EVC2: variants seen among roughly 807,000 people sequenced by gnomAD.
EVC2 encodes EvC ciliary complex subunit 2.
A neutral mutation model predicts 149.3 loss-of-function variants in EVC2; 148 were observed. The observed-to-expected ratio is 0.99, with a 90% CI of 0.87 to 1.14. The LOEUF (loss-of-function observed/expected upper bound fraction) is 1.14. Among genes scored for constraint, EVC2 ranks in the 50% most tolerant of loss-of-function variants. The pLI is 0.00. For synonymous variants in EVC2, 776 were observed against 649.9 expected (o/e 1.19, Z -2.95); for missense variants, 1,854 against 1,627.3 (o/e 1.14, Z -2.40).
At chr4:5,665,175 T>G (rs1719182472) in intron 8 of EVC2, among the ~76,000 whole-genome samples, 1 of 152,084 alleles carries the variant, frequency 6.6e-6, no homozygotes, top group African/African-American at 2.4e-5. Context: ...CCAGGCATGT[T>G]GGTGTGTAGC....
chr4:5,576,261 A>T lies in EVC2; in HGVS notation c.3251T>A (p.Leu1084Ter), dbSNP rs755880828. 6.8e-6 allele frequency: 11 copies of T among 1,614,154 alleles called. No homozygotes were observed. Among genetic ancestry groups the T allele is most frequent in the Non-Finnish European group, 9.3e-6 (11 of 1,180,026 alleles). The change falls in exon 18 of 22, where the codon TTA becomes TAA. Residue 1084 changes from leucine (L) to a stop codon, truncating the protein, a stop_gained. Coordinates refer to ENST00000344408, the MANE Select transcript of EVC2 (RefSeq NM_147127.5). LOFTEE classifies it high-confidence loss of function. The surrounding 1 kb of genome is among the most constrained non-coding windows in gnomAD (Gnocchi z 4.5). ...ATACCACTGCTGATGTTGCTCCAGT[A>T]ATGTCTGGCTCTTGCTCAGGGCTTG... ...LHQALSKSQT[L>*]LEQHQQCLRE...
chr4:5,672,310 C>T (rs1186456114), intron 7 of EVC2, among the ~76,000 whole-genome samples: 1 of 152,194 alleles, frequency 6.6e-6, no homozygotes, highest in Non-Finnish European at 1.5e-5. Flanking sequence ...CCTGACAGAG[C>T]CTTCGAGAGC....
chr4:5,665,555 C>G lies in EVC2; in HGVS notation c.965G>C (p.Arg322Pro). ...CATGTTTCCCTTCAGACACTGATAG[C>G]GAACCATGAGGAAGAGGGCAGCCCA... ...LTWAALFLMVRYQCLKGNMLT... is the reference protein window; with the variant it reads ...LTWAALFLMVPYQCLKGNMLT... Residue 322 changes from arginine to proline, a missense_variant, in exon 8 of 22, where the codon CGC (arginine) becomes CCC (proline). Arg to Pro is a moderately radical substitution (Grantham distance 103). Transcript: ENST00000344408. The G allele has an allele frequency of 1.2e-6, 2 of 1,614,124 alleles. No homozygotes were observed. The highest frequency in any genetic ancestry group is 2.7e-5 in the African/African-American group (2 of 75,028).
chr4:5,566,746 C>T (rs1722313879), intron 20 of EVC2, among the ~76,000 whole-genome samples: 2 of 152,058 alleles, frequency 1.3e-5, no homozygotes, highest in Non-Finnish European at 2.9e-5. Flanking sequence ...CCCAGCTTGG[C>T]CTGTCCATCT....
At chr4:5,600,678 T>C (rs1713903377) in intron 16 of EVC2, among the ~76,000 whole-genome samples, 1 of 152,158 alleles carries the variant, frequency 6.6e-6, no homozygotes, top group South Asian at 2.1e-4. Flanking sequence ...AGCAACATAA[T>C]TTAAACTGCA....
At chr4:5,660,270 C>T (rs991546185) in intron 9 of EVC2, among the ~76,000 whole-genome samples, 8 of 152,286 alleles carry the variant, frequency 5.3e-5, no homozygotes, top group East Asian at 1.9e-4. Flanking sequence ...CCTGCACTTA[C>T]GAGGCTCCAA....
chr4:5,631,424 C>T (rs1463892849), intron 11 of EVC2, among the ~76,000 whole-genome samples: 1 of 152,146 alleles, frequency 6.6e-6, no homozygotes, highest in Non-Finnish European at 1.5e-5. Context: ...ATATGTTATG[C>T]CAAGCACTAA....
In EVC2 at chr4:5,576,378, G is replaced by T. The variant is rs750108569; in HGVS notation, c.3134C>A (p.Ala1045Glu). The stretch of plus-strand genomic sequence containing the variant: ...ATCGGCCACCCACTGCTGCCAGCTC[G>T]CCAGGGCCTGCTGCTGCTGGGCTGC... ...QEAAQQQQAL[A>E]SWQQWVADGP... The change falls in exon 18 of 22, where the codon GCG becomes GAG. Residue 1045 changes from alanine to glutamate, a missense_variant. Physicochemically the swap from Ala to Glu is moderately radical, Grantham distance 107. Transcript: ENST00000344408. This position sits in a 1 kb window ranked among gnomAD's most constrained non-coding sequence, Gnocchi z 4.5. 3 of 1,613,842 alleles carry T rather than the reference G, an allele frequency of 1.9e-6. No homozygotes were observed. The highest frequency in any genetic ancestry group is 1.3e-5 in the African/African-American group (1 of 74,916).
chr4:5,542,416 CTGCACTCCAGCCTGGGCAAT>C (rs1721531525), downstream of EVC2, among the ~76,000 whole-genome samples: 2 of 152,214 alleles, frequency 1.3e-5, no homozygotes, highest in South Asian at 4.1e-4. Context: ...GATGGTGCCA[CTGCACTCCAGCCTGGGCAAT>C]GGAGTGAGAC....
At chr4:5,558,218 A>T (rs1721874576), downstream of EVC2, among the ~76,000 whole-genome samples, 1 of 152,210 alleles carries the variant, frequency 6.6e-6, no homozygotes, top group Admixed American at 6.5e-5. Context: ...AGGTGCATAG[A>T]TCATTGGAAC....
Position 5,562,756 on chromosome 4 carries a change from G to A in EVC2, c.*92C>T, listed in dbSNP as rs1722030238. ...CCTTCTGCATGTGCAATTTATATTT[G>A]CGAGTTGTGCATTATAAACACACAA... On this transcript the variant is annotated 3_prime_UTR_variant, in exon 22 of 22. Coordinates refer to ENST00000344408, the MANE Select transcript of EVC2 (RefSeq NM_147127.5). This position sits in a 1 kb window ranked among gnomAD's most constrained non-coding sequence, Gnocchi z 4.3. 6.2e-7 allele frequency: 1 copy of A among 1,600,070 alleles called. No individual in the cohort carries two copies. The highest frequency in any genetic ancestry group is 1.3e-5 in the African/African-American group (1 of 74,740).
At chr4:5,627,725 A>G (rs1030136549) in intron 12 of EVC2, among the ~76,000 whole-genome samples, 1 of 152,172 alleles carries the variant, frequency 6.6e-6, no homozygotes, top group African/African-American at 2.4e-5. Context: ...ACCACCATAC[A>G]CTTGACCACA....
At chr4:5,565,125 G>A (rs1722192263) in intron 21 of EVC2, 133 bp downstream of exon 21, 7 of 805,374 alleles carry the variant, frequency 8.7e-6, no homozygotes, top group Middle Eastern at 6.8e-4. Flanking sequence ...AAAGATTTGT[G>A]GTCTTCAGGG....
At chr4:5,664,014 A>G (rs1719091123) in intron 8 of EVC2, among the ~76,000 whole-genome samples, 1 of 152,196 alleles carries the variant, frequency 6.6e-6, no homozygotes, top group Non-Finnish European at 1.5e-5. Context: ...GATAAGAGAT[A>G]TCTGTGTTGT....
chr4:5,540,703 T>C (rs958654647), downstream of EVC2, among the ~76,000 whole-genome samples: 3 of 152,126 alleles, frequency 2.0e-5, no homozygotes, highest in Admixed American at 6.5e-5. Flanking sequence ...CAAGGAAATT[T>C]TGGGGGAGGA....
Position 5,679,010 on chromosome 4 carries a change from G to A in EVC2, c.870+2250C>T, listed in dbSNP as rs933001180. Among the ~76,000 whole-genome samples the A allele has an allele frequency of 1.6e-4, 24 of 149,840 alleles. No individual in the cohort carries two copies. The highest frequency in any genetic ancestry group is 8.0e-4 in the Admixed American group (12 of 14,924). On this transcript the variant is annotated intron_variant, in intron 7 of 21. Coordinates refer to ENST00000344408, the MANE Select transcript of EVC2 (RefSeq NM_147127.5). The surrounding 1 kb of genome is among the most constrained non-coding windows in gnomAD (Gnocchi z 5.1). ...CGTACCACTGCACTCCAGCCTGGGC[G>A]ACAAAGCAAGACTCTAAGAAAAAAA...
At chr4:5,704,536 G>A (rs929178094) in intron 1 of EVC2, among the ~76,000 whole-genome samples, 4 of 152,096 alleles carry the variant, frequency 2.6e-5, no homozygotes, top group Admixed American at 2.6e-4. Flanking sequence ...GCTGGAGATG[G>A]AAATTCGGGA....
intron 17 of EVC2, among the ~76,000 whole-genome samples, chr4:5,584,175 C>G (rs1452029978): frequency 6.6e-6 from 1 of 152,174 alleles, no homozygotes; most frequent in African/African-American, 2.4e-5. Flanking sequence ...GTCACCAAAA[C>G]AGTTATTACC....
chr4:5,649,051 G>A (rs964094684), intron 9 of EVC2, among the ~76,000 whole-genome samples: 6 of 152,138 alleles, frequency 3.9e-5, no homozygotes, highest in East Asian at 1.9e-4. Flanking sequence ...TGAAATACAC[G>A]TATTTTTCCA....
Sources: allele counts gnomAD v4.1 joint callset (sites outside exome capture counted in the v4.1 genomes callset), GRCh38; gene constraint gnomAD v4.1.1; non-coding constraint Gnocchi (gnomAD v3.1); transcripts MANE v1.5; gene names NCBI Gene and HGNC (gene_info 2026-07-23, HGNC 2026-07-21).